PFKFB3: variants seen among roughly 807,000 people sequenced by gnomAD.
The protein encoded by PFKFB3 is 6-phosphofructo-2-kinase/fructose-2,6-bisphosphatase 3.
Under a neutral mutation model 68.0 loss-of-function variants are expected in PFKFB3, and 33 were observed. The ratio of observed to expected loss-of-function variants is 0.49; its 90% CI spans 0.37 to 0.65. The LOEUF (loss-of-function observed/expected upper bound fraction) is 0.65. Ranked by LOEUF, PFKFB3 falls within the 30% of genes least tolerant of loss-of-function variation. PFKFB3 has a pLI of 0.00. For synonymous variants in PFKFB3, 315 were observed against 288.2 expected, an observed-to-expected ratio of 1.09 and a Z score of -0.94; for missense variants, 586 against 712.2, an observed-to-expected ratio of 0.82 and a Z score of 2.02.
At chr10:6,200,104 G>T (rs549454487), upstream of PFKFB3, among the ~76,000 whole-genome samples, 12 of 152,050 alleles carry the variant, frequency 7.9e-5, no homozygotes, top group African/African-American at 2.7e-4. Flanking sequence ...CTCTGACCTG[G>T]TTCCTTGACT....
At chr10:6,164,131 C>G (rs936857499) in intron 1 of PFKFB3, 2 of 152,248 alleles carry the variant, frequency 1.3e-5, no homozygotes, top group African/African-American at 4.8e-5. Context: ...GGCGCGCAGC[C>G]CGTTTCCCTG....
At chr10:6,181,060 G>A (rs535407850) in intron 1 of PFKFB3, among the ~76,000 whole-genome samples, 4 of 152,172 alleles carry the variant, frequency 2.6e-5, no homozygotes, top group Non-Finnish European at 4.4e-5. Context: ...TGTCGCTCAG[G>A]CTGGAGTGCA....
rs1466728431 is a variant in PFKFB3, at chr10:6,233,157, T to C, written c.*215T>C. 3.7e-6 allele frequency: 2 copies of C among 545,886 alleles called. No individual in the cohort carries two copies. Among genetic ancestry groups the C allele is most frequent in the African/African-American group, 1.9e-5 (1 of 52,442 alleles). 33.8% of individuals were successfully genotyped at this position (545,886 alleles called of 1,614,324 possible). On this transcript the variant is annotated 3_prime_UTR_variant, in exon 15 of 15. Transcript: ENST00000379775. ...CACGTGGGTCCCTGGCGCCCTGCCT[T>C]TAGCCGTGGGGCCCCCACCTCCACT...
At position 6,193,715 on chromosome 10, in the gene PFKFB3, G is replaced by A. The variant is rs1843093891; in HGVS notation, c.17-19908G>A. ...GGTTCTTATAGGTTTTGGGATAGGC[G>A]GTGGAGTTAAGAGCAATGTTTTGGG... On this transcript the variant is annotated intron_variant, in intron 1 of 14. Transcript: ENST00000379789. Among the ~76,000 whole-genome samples, 5 of 152,190 alleles carry A rather than the reference G, an allele frequency of 3.3e-5. No individual in the cohort carries two copies. The South Asian group carries it at 1.0e-3, about 32-fold the overall frequency.
intron 14 of PFKFB3, among the ~76,000 whole-genome samples, chr10:6,250,715 AG>A (rs1288860181): frequency 1.3e-5 from 2 of 152,052 alleles, no homozygotes; most frequent in African/African-American, 2.4e-5. Flanking sequence ...CTGTGATCTG[AG>A]GACACAGCAG....
the PFKFB3 span, chr10:6,277,643 C>G: frequency 3.7e-6 from 1 of 267,828 alleles, no homozygotes; most frequent in South Asian, 3.2e-5. Flanking sequence ...CCCTCCTGCT[C>G]TGGCCATGTA....
the PFKFB3 span, among the ~76,000 whole-genome samples, chr10:6,265,953 T>C: frequency 3.3e-5 from 5 of 151,956 alleles, no homozygotes; most frequent in Non-Finnish European, 7.4e-5. Context: ...TTCTGTTACG[T>C]AGGTGGGAGT....
chr10:6,282,643 G>A, the PFKFB3 span, among the ~76,000 whole-genome samples: 44 of 152,220 alleles, frequency 2.9e-4, no homozygotes, highest in Non-Finnish European at 2.9e-5. Context: ...CAAGATAAAA[G>A]CTCCTTGAAA....
At chr10:6,170,426 C>G (rs1842272702) in intron 1 of PFKFB3, among the ~76,000 whole-genome samples, 1 of 152,136 alleles carries the variant, frequency 6.6e-6, no homozygotes, top group Admixed American at 6.6e-5. Flanking sequence ...AAAATATAAA[C>G]TGGACTACAG....
intron 1 of PFKFB3, 83 bp downstream of exon 1, chr10:6,203,419 C>T (rs1171204438): frequency 3.9e-6 from 4 of 1,015,696 alleles, no homozygotes; most frequent in East Asian, 3.5e-5. Flanking sequence ...GTGCCGACGC[C>T]CCTCTGCGGG....
chr10:6,204,493 C>T (rs633835), intron 1 of PFKFB3, among the ~76,000 whole-genome samples: 1 of 152,180 alleles, frequency 6.6e-6, no homozygotes, highest in Non-Finnish European at 1.5e-5. Context: ...TCACCGGCCT[C>T]GTCCAGACCT....
intron 1 of PFKFB3, among the ~76,000 whole-genome samples, chr10:6,191,034 G>A (rs544291275): frequency 4.6e-5 from 7 of 152,040 alleles, no homozygotes; most frequent in African/African-American, 1.2e-4. Flanking sequence ...CCAGTTCTTC[G>A]GCCTCTCAAA....
the PFKFB3 span, among the ~76,000 whole-genome samples, chr10:6,325,839 C>T: frequency 6.6e-6 from 1 of 152,152 alleles, no homozygotes; most frequent in South Asian, 2.1e-4. Context: ...CAAAGAGATA[C>T]ACACGTACAT....
upstream of PFKFB3, among the ~76,000 whole-genome samples, chr10:6,201,171 G>A (rs1391499923): frequency 1.3e-5 from 2 of 151,930 alleles, no homozygotes; most frequent in Non-Finnish European, 2.9e-5. This position sits in a 1 kb window ranked among gnomAD's most constrained non-coding sequence, Gnocchi z 4.1. Context: ...ACCCCAGGGC[G>A]GGAACTCGTC....
rs942526449 is a variant in PFKFB3, at chr10:6,215,733, T to C, written c.300-392T>C. Among the ~76,000 whole-genome samples the C allele has an allele frequency of 6.6e-6, 1 of 152,194 alleles. No individual in the cohort carries two copies. The highest frequency in any genetic ancestry group is 2.4e-5 in the African/African-American group (1 of 41,450). On this transcript the variant is annotated intron_variant, in intron 3 of 14. Transcript: ENST00000379775. The surrounding 1 kb of genome is among the most constrained non-coding windows in gnomAD (Gnocchi z 4.3). The stretch of plus-strand genomic sequence containing the variant: ...GGATTTCTTGTTAAGTGCGAGTTGA[T>C]TGTGAAACCCTAGTGCAAGGGTGTT...
chr10:6,165,108 TG>T (rs923746472), intron 1 of PFKFB3, among the ~76,000 whole-genome samples: 1 of 152,024 alleles, frequency 6.6e-6, no homozygotes, highest in Admixed American at 6.6e-5. Flanking sequence ...GCTGTCTCAG[TG>T]GGGGGAAACC....
At chr10:6,211,522 T>C (rs377158934) in intron 1 of PFKFB3, among the ~76,000 whole-genome samples, 2 of 152,174 alleles carry the variant, frequency 1.3e-5, no homozygotes, top group Admixed American at 6.5e-5. Flanking sequence ...TTTCCTGATA[T>C]GGCAGCTACA....
chr10:6,205,211 G>A (rs976174342), intron 1 of PFKFB3, among the ~76,000 whole-genome samples: 1 of 149,582 alleles, frequency 6.7e-6, no homozygotes, highest in East Asian at 2.0e-4. Flanking sequence ...AAAAAGATCC[G>A]CAGCCTGGGT....
downstream of PFKFB3, among the ~76,000 whole-genome samples, chr10:6,239,662 G>A (rs931894162): frequency 5.9e-5 from 9 of 152,122 alleles, no homozygotes; most frequent in African/African-American, 2.2e-4. Context: ...TATTCCTGGA[G>A]AACATGAAGA....
Sources: gnomAD v4.1 joint callset for allele counts (sites outside exome capture counted in the v4.1 genomes callset) on GRCh38, gnomAD v4.1.1 for gene constraint, Gnocchi (gnomAD v3.1) non-coding constraint, MANE v1.5 for transcripts, NCBI Gene and HGNC (gene_info 2026-07-23, HGNC 2026-07-21) for gene names.